The following FYB2 variants were observed in gnomAD, a reference collection of about 807,000 sequenced individuals.
FYB2 encodes the protein FYN-binding protein 2.
Under a neutral mutation model 94.1 loss-of-function variants are expected in FYB2, and 103 were observed. That is an observed-to-expected ratio of 1.09 (90% confidence interval 0.93 to 1.29). FYB2 has a LOEUF of 1.29. FYB2 is among the 50% of genes most tolerant of loss of function. FYB2 has a pLI of 0.00. For missense variants in FYB2, 896 were observed against 841.5 expected (o/e 1.06, Z -0.80); for synonymous variants, 293 against 287.9 (o/e 1.02, Z -0.18).
chr1:56,741,178 CAAG>C (rs1644944309), intron 12 of FYB2, among the ~76,000 whole-genome samples: 1 of 152,028 alleles, frequency 6.6e-6, no homozygotes, highest in South Asian at 2.1e-4. Flanking sequence ...CAAGAAAGAG[CAAG>C]AAGATGCCTT....
At chr1:56,771,346 A>T (rs1645749964) in intron 4 of FYB2, among the ~76,000 whole-genome samples, 1 of 152,046 alleles carries the variant, frequency 6.6e-6, no homozygotes, top group South Asian at 2.1e-4. Flanking sequence ...ACAGCTTCGT[A>T]AAAAAAAGTT....
chr1:56,757,675 T>TTTCC (rs765794124), intron 6 of FYB2, among the ~76,000 whole-genome samples: 3,128 of 98,840 alleles, frequency 0.032, 195 homozygotes, highest in African/African-American at 0.046. Context: ...TTCTTTCCTC[T>TTTCC]TTCCTTCCTT....
At chr1:56,783,432 T>C (rs1570135013) in intron 4 of FYB2, among the ~76,000 whole-genome samples, 1 of 152,170 alleles carries the variant, frequency 6.6e-6, no homozygotes. Flanking sequence ...TGGGTTAAGA[T>C]GATTAAAATA....
chr1:56,756,211 C>T (rs1445927966), intron 6 of FYB2, among the ~76,000 whole-genome samples: 1 of 152,118 alleles, frequency 6.6e-6, no homozygotes, highest in African/African-American at 2.4e-5. Context: ...CAAAATGCAT[C>T]GGAAACGTAA....
chr1:56,809,177 T>C lies in FYB2; in HGVS notation c.9+10105A>G, dbSNP rs908570885. On this transcript the variant is annotated intron_variant, in intron 1 of 19. Transcript: ENST00000343433. The stretch of plus-strand genomic sequence containing the variant: ...AGTGGTGAACAAATGTTCTCTGCTC[T>C]CACAGAACTTCTAGGCAAATGGGTA... Among the ~76,000 whole-genome samples the C allele has an allele frequency of 4.6e-5, 7 of 152,332 alleles. No homozygotes were observed. In the Middle Eastern group the frequency reaches 0.01, roughly 222 times the overall value.
At chr1:56,735,261 C>T (rs906002210) in intron 15 of FYB2, among the ~76,000 whole-genome samples, 1 of 152,104 alleles carries the variant, frequency 6.6e-6, no homozygotes, top group Non-Finnish European at 1.5e-5. Flanking sequence ...ATACACATGG[C>T]AGAGCACTAT....
In FYB2 at chr1:56,792,262, T is replaced by A. The variant is rs1161135278; in HGVS notation, c.551A>T (p.Lys184Ile). The A allele has an allele frequency of 6.2e-6, 10 of 1,612,354 alleles. No individual in the cohort carries two copies. The highest frequency in any genetic ancestry group is 8.5e-6 in the Non-Finnish European group (10 of 1,179,576). The change falls in exon 2 of 20, where the codon AAA becomes ATA. Residue 184 changes from lysine to isoleucine, a missense_variant. Coordinates refer to ENST00000343433, the MANE Select transcript of FYB2 (RefSeq NM_001004303.5). ...GMGLTPEEPR[K>I]KLETKGAQTL... Reference sequence around the variant, plus strand: ...CTGGGCTCCTTTTGTTTCCAGCTTTTTCCTGGGTTCCTCTGGAGTAAGCCC... The same window carrying A: ...CTGGGCTCCTTTTGTTTCCAGCTTTATCCTGGGTTCCTCTGGAGTAAGCCC...
At chr1:56,745,747 G>A (rs757643944) in intron 9 of FYB2, among the ~76,000 whole-genome samples, 8 of 151,942 alleles carry the variant, frequency 5.3e-5, no homozygotes, top group Non-Finnish European at 7.4e-5. Context: ...AAAGCTTTCA[G>A]TGGTTTTAAA....
At chr1:56,818,285 A>G (rs1191616113) in intron 1 of FYB2, among the ~76,000 whole-genome samples, 1 of 152,004 alleles carries the variant, frequency 6.6e-6, no homozygotes, top group Non-Finnish European at 1.5e-5. Context: ...GTGATTTGCC[A>G]CAGAGAGAAA....
upstream of FYB2, among the ~76,000 whole-genome samples, chr1:56,822,175 A>G (rs1175513615): frequency 6.6e-6 from 1 of 152,076 alleles, no homozygotes; most frequent in East Asian, 1.9e-4. Flanking sequence ...TATGATCCTA[A>G]TTTTCCAGCA....
chr1:56,752,209 A>G (rs1054101765), intron 8 of FYB2, among the ~76,000 whole-genome samples: 1 of 152,036 alleles, frequency 6.6e-6, no homozygotes, highest in African/African-American at 2.4e-5. Context: ...TTGCATGCAA[A>G]GCAAAGAGTT....
chr1:56,734,644 C>T (rs1644791264), intron 15 of FYB2, among the ~76,000 whole-genome samples: 3 of 151,894 alleles, frequency 2.0e-5, no homozygotes, highest in African/African-American at 7.3e-5. Context: ...TGGGGAACAT[C>T]ACACACTGGG....
At chr1:56,753,358 A>T (rs957275216) in intron 8 of FYB2, among the ~76,000 whole-genome samples, 5 of 152,104 alleles carry the variant, frequency 3.3e-5, no homozygotes, top group Non-Finnish European at 7.4e-5. Context: ...CTTATGAAAC[A>T]CTTTCTTGCA....
At chr1:56,824,049 C>T (rs1557683586), upstream of FYB2, 1 of 152,314 alleles carries the variant, frequency 6.6e-6, no homozygotes, top group Middle Eastern at 3.4e-3. Flanking sequence ...GTCTGGACTT[C>T]AAGGCATAGA....
chr1:56,723,211 ACACACACACACACG>A lies in FYB2; in HGVS notation c.1974+363_1974+376del, dbSNP rs372457588. Among the ~76,000 whole-genome samples the A allele has an allele frequency of 2.3e-3, 344 of 150,086 alleles. 2 individuals carry two copies. Among genetic ancestry groups the A allele is most frequent in the Middle Eastern group, 0.014 (4 of 292 alleles). On this transcript the variant is annotated intron_variant, in intron 17 of 19. Coordinates refer to ENST00000343433, the MANE Select transcript of FYB2 (RefSeq NM_001004303.5). ...ATTAATTAAAGATTCACAGACACAC[ACACACACACACACG>A]CACACACACACACAAATGCTTTAAT...
At chr1:56,819,468 G>A, upstream of FYB2, 1 of 890,946 alleles carries the variant, frequency 1.1e-6, no homozygotes, top group South Asian at 1.7e-5. Context: ...CCCTTGCCTG[G>A]GGCTGGGCCA....
chr1:56,807,271 C>G (rs1353007993), intron 1 of FYB2, among the ~76,000 whole-genome samples: 1 of 152,162 alleles, frequency 6.6e-6, no homozygotes, highest in Non-Finnish European at 1.5e-5. Context: ...CACTTTATTG[C>G]TTTTACTCCA....
At chr1:56,805,932 T>A (rs1646636646) in intron 1 of FYB2, among the ~76,000 whole-genome samples, 1 of 152,174 alleles carries the variant, frequency 6.6e-6, no homozygotes, top group African/African-American at 2.4e-5. Context: ...TACCCAGTCT[T>A]TATCAGCATG....
At chr1:56,757,004 C>A (rs556111772) in intron 6 of FYB2, among the ~76,000 whole-genome samples, 3 of 151,916 alleles carry the variant, frequency 2.0e-5, no homozygotes, top group Non-Finnish European at 4.4e-5. Context: ...TGACTCAGTC[C>A]CTTATAGTCA....
Sources: gnomAD v4.1 joint callset for allele counts (sites outside exome capture counted in the v4.1 genomes callset) on GRCh38, gnomAD v4.1.1 for gene constraint, MANE v1.5 for transcripts, NCBI Gene and HGNC (gene_info 2026-07-23, HGNC 2026-07-21) for gene names.